HS6ST3: variants seen among roughly 807,000 people sequenced by gnomAD.
HS6ST3 encodes heparan-sulfate 6-O-sulfotransferase 3.
In HS6ST3, 12 loss-of-function variants were observed where a neutral mutation model predicts 36.7. The observed-to-expected ratio is 0.33, with a 90% CI of 0.21 to 0.53. HS6ST3 has a LOEUF of 0.53. HS6ST3 is among the 20% of genes least tolerant of loss of function. The probability of loss-of-function intolerance (pLI) is 0.95; values close to 1 mark genes in which losing one functional copy is unlikely to be tolerated. For synonymous variants in HS6ST3, 240 were observed against 257.5 expected, an observed-to-expected ratio of 0.93 and a Z score of 0.65; for missense variants, 584 against 640.9, an observed-to-expected ratio of 0.91 and a Z score of 0.96.
intron 1 of HS6ST3, among the ~76,000 whole-genome samples, chr13:96,592,684 G>T (rs2056386882): frequency 6.6e-6 from 1 of 152,050 alleles, no homozygotes; most frequent in Non-Finnish European, 1.5e-5. Flanking sequence ...ATGTTTGGAG[G>T]ATAATTTCAC....
intron 1 of HS6ST3, among the ~76,000 whole-genome samples, chr13:96,181,662 G>A (rs185954689): frequency 1.3e-5 from 2 of 152,288 alleles, no homozygotes; most frequent in Admixed American, 6.5e-5. Flanking sequence ...TAGGATGGAG[G>A]ATGCTTGCTG....
intron 1 of HS6ST3, among the ~76,000 whole-genome samples, chr13:96,499,711 G>A (rs111374514): frequency 6.6e-6 from 1 of 152,224 alleles, no homozygotes; most frequent in African/African-American, 2.4e-5. Context: ...ATGAGCGTGT[G>A]TGACCTGTGC....
At chr13:96,418,241 AGTAGCCTT>A (rs2139466298) in intron 1 of HS6ST3, among the ~76,000 whole-genome samples, 1 of 152,372 alleles carries the variant, frequency 6.6e-6, no homozygotes, top group African/African-American at 2.4e-5. Flanking sequence ...GAGGGTGGAG[AGTAGCCTT>A]GTTCCACCTC....
At chr13:96,807,242 C>T (rs150971195) in intron 1 of HS6ST3, among the ~76,000 whole-genome samples, 2 of 152,330 alleles carry the variant, frequency 1.3e-5, no homozygotes, top group African/African-American at 4.8e-5. Context: ...CCCATCTTTC[C>T]TCCTGAATGC....
At chr13:96,541,763 G>T (rs967255853) in intron 1 of HS6ST3, among the ~76,000 whole-genome samples, 2 of 152,128 alleles carry the variant, frequency 1.3e-5, no homozygotes, top group Non-Finnish European at 2.9e-5. Flanking sequence ...AAGAACGTTT[G>T]CCCAGTATGC....
chr13:96,708,549 C>T (rs975282793), intron 1 of HS6ST3, among the ~76,000 whole-genome samples: 3 of 152,186 alleles, frequency 2.0e-5, no homozygotes, highest in African/African-American at 7.2e-5. Context: ...TGTCCTCTCT[C>T]CTTCCCTCCT....
chr13:96,222,437 G>A (rs1427981337), intron 1 of HS6ST3, among the ~76,000 whole-genome samples: 5 of 152,192 alleles, frequency 3.3e-5, no homozygotes, highest in Non-Finnish European at 5.9e-5. Context: ...GTAAAGCCCA[G>A]AGAAAACTGG....
intron 1 of HS6ST3, among the ~76,000 whole-genome samples, chr13:96,421,473 T>G (rs1335457398): frequency 6.6e-6 from 1 of 152,216 alleles, no homozygotes; most frequent in East Asian, 1.9e-4. Flanking sequence ...TTCATTTTAC[T>G]CAAGGTAAAA....
chr13:96,662,365 A>G (rs1167551208), intron 1 of HS6ST3, among the ~76,000 whole-genome samples: 1 of 152,030 alleles, frequency 6.6e-6, no homozygotes, highest in African/African-American at 2.4e-5. Context: ...TCAATCTTGA[A>G]ATTTCTTCTG....
chr13:96,124,593 G>T (rs1422841367), intron 1 of HS6ST3, among the ~76,000 whole-genome samples: 2 of 152,144 alleles, frequency 1.3e-5, no homozygotes, highest in Non-Finnish European at 2.9e-5. Context: ...ATGATTCTTT[G>T]GTATGGTGTT....
chr13:96,322,805 A>G (rs2055011028), intron 1 of HS6ST3, among the ~76,000 whole-genome samples: 1 of 152,174 alleles, frequency 6.6e-6, no homozygotes, highest in African/African-American at 2.4e-5. Context: ...TGTTTTGTCA[A>G]GGCCATTGAT....
chr13:96,327,406 A>G (rs970717187), intron 1 of HS6ST3, among the ~76,000 whole-genome samples: 2 of 152,134 alleles, frequency 1.3e-5, no homozygotes, highest in African/African-American at 2.4e-5. Context: ...ATGGCTAGCC[A>G]GTTTTCCAAG....
chr13:96,323,920 A>G (rs1566324528), intron 1 of HS6ST3, among the ~76,000 whole-genome samples: 1 of 152,210 alleles, frequency 6.6e-6, no homozygotes. Flanking sequence ...TAAGCACTCA[A>G]TAAATAGTTG....
intron 1 of HS6ST3, among the ~76,000 whole-genome samples, chr13:96,494,472 A>G (rs2055963778): frequency 6.6e-6 from 1 of 151,766 alleles, no homozygotes; most frequent in South Asian, 2.1e-4. Context: ...CAGCACACCA[A>G]CATGGCACAT....
chr13:96,140,833 A>T (rs140173361), intron 1 of HS6ST3, among the ~76,000 whole-genome samples: 1 of 152,298 alleles, frequency 6.6e-6, no homozygotes, highest in East Asian at 1.9e-4. Context: ...AAAAATTGAG[A>T]TCATTACGTG....
At chr13:96,536,451 C>G (rs2056155717) in intron 1 of HS6ST3, among the ~76,000 whole-genome samples, 1 of 152,220 alleles carries the variant, frequency 6.6e-6, no homozygotes, top group Non-Finnish European at 1.5e-5. Flanking sequence ...ATAAGATGCT[C>G]TCCCTCTGTG....
intron 1 of HS6ST3, among the ~76,000 whole-genome samples, chr13:96,104,144 G>A (rs2053830426): frequency 6.6e-6 from 1 of 152,132 alleles, no homozygotes; most frequent in Non-Finnish European, 1.5e-5. Context: ...TCTGATTTGA[G>A]AAGACTGTTG....
chr13:96,246,064 A>T (rs1273561544), intron 1 of HS6ST3, among the ~76,000 whole-genome samples: 1 of 152,222 alleles, frequency 6.6e-6, no homozygotes, highest in African/African-American at 2.4e-5. Context: ...ATATTAATGA[A>T]ATATATTCTT....
chr13:96,420,964 T>C (rs2055559444), intron 1 of HS6ST3, among the ~76,000 whole-genome samples: 1 of 152,200 alleles, frequency 6.6e-6, no homozygotes, highest in Admixed American at 6.5e-5. Flanking sequence ...TTCATGCAGT[T>C]GAACCTTTGT....
Sources: allele counts gnomAD v4.1 joint callset (sites outside exome capture counted in the v4.1 genomes callset), GRCh38; gene constraint gnomAD v4.1.1; transcripts MANE v1.5; gene names NCBI Gene and HGNC (gene_info 2026-07-23, HGNC 2026-07-21).